The following CSNK1G1 variants were observed in gnomAD, a reference collection of about 807,000 sequenced individuals.
CSNK1G1 encodes casein kinase I isoform gamma-1.
A neutral mutation model predicts 59.6 loss-of-function variants in CSNK1G1; 22 were observed. The ratio of observed to expected loss-of-function variants is 0.37; its 90% CI spans 0.26 to 0.53. The LOEUF (loss-of-function observed/expected upper bound fraction) is 0.53. Ranked by LOEUF, CSNK1G1 falls within the 20% of genes least tolerant of loss-of-function variation. The pLI is 0.89. For missense variants in CSNK1G1, 384 were observed against 519.5 expected, an observed-to-expected ratio of 0.74 and a Z score of 2.54; for synonymous variants, 179 against 177.1, an observed-to-expected ratio of 1.01 and a Z score of -0.08.
intron 10 of CSNK1G1, among the ~76,000 whole-genome samples, chr15:64,186,263 C>T (rs1474263216): frequency 6.6e-6 from 1 of 152,154 alleles, no homozygotes; most frequent in African/African-American, 2.4e-5. Flanking sequence ...CCCACCACCA[C>T]GCCCAGCTAA....
rs2082277793 is a variant in CSNK1G1 at position 64,213,824 on chromosome 15, T to C, written c.679+66A>G. ...CAAGTTGTAATGCACAATGGGGATA[T>C]AATGTTACAGAAATAATAAACTGTT... On this transcript the variant is annotated intron_variant, in intron 6 of 11. Coordinates refer to ENST00000303052, the MANE Select transcript of CSNK1G1 (RefSeq NM_022048.5). 2.7e-6 allele frequency: 3 copies of C among 1,097,582 alleles called. No homozygotes were observed. In the South Asian group the frequency reaches 4.1e-5, roughly 15 times the overall value. The allele number at this position is 1,097,582 out of a possible 1,614,324, so 68.0% of individuals were successfully genotyped here. A position where few individuals can be genotyped will look rare whatever the true frequency, so the allele number is the denominator to read the frequency against.
intron 4 of CSNK1G1, among the ~76,000 whole-genome samples, chr15:64,238,514 A>ATATATAT (rs1375821783): frequency 6.5e-5 from 7 of 107,556 alleles, no homozygotes; most frequent in African/African-American, 3.3e-4. Flanking sequence ...AAAAAAAAAA[A>ATATATAT]AAAAATATAT....
At chr15:64,340,283 A>G (rs1445192856) in intron 1 of CSNK1G1, among the ~76,000 whole-genome samples, 1 of 152,238 alleles carries the variant, frequency 6.6e-6, no homozygotes, top group African/African-American at 2.4e-5. Flanking sequence ...AAACTTGAGT[A>G]CAATGTTCTA....
rs1156416306 is a variant in CSNK1G1, at chr15:64,210,226, T to A, written c.680-2632A>T. Among the ~76,000 whole-genome samples, 2 of 152,194 alleles carry A rather than the reference T, an allele frequency of 1.3e-5. No homozygotes were observed. The highest frequency in any genetic ancestry group is 4.8e-5 in the African/African-American group (2 of 41,444). On this transcript the variant is annotated intron_variant, in intron 6 of 11. Coordinates refer to ENST00000303052, the MANE Select transcript of CSNK1G1 (RefSeq NM_022048.5). This position sits in a 1 kb window ranked among gnomAD's most constrained non-coding sequence, Gnocchi z 4.2. ...TTTAATCCAGTGAAATTAAGCATGG[T>A]CAAGTCACCTACTTTGGGTCTCAGT...
At chr15:64,212,440 C>G (rs1021638806) in intron 6 of CSNK1G1, among the ~76,000 whole-genome samples, 2 of 152,196 alleles carry the variant, frequency 1.3e-5, no homozygotes, top group Non-Finnish European at 2.9e-5. Flanking sequence ...GCAGGCCAGG[C>G]ATGGTGGCTC....
At chr15:64,181,573 A>G (rs1207081876) in intron 10 of CSNK1G1, 7 of 807,520 alleles carry the variant, frequency 8.7e-6, no homozygotes, top group Non-Finnish European at 1.3e-5. Context: ...TGTCTAGTAT[A>G]ATACCTAGCA....
At position 64,214,164 on chromosome 15, in the gene CSNK1G1, A is replaced by T; in HGVS notation, c.445-40T>A. ...AATGATAGAAAGACTGTAAAGAAGTATATCAGGAAAATACATCAAAACAGT... is the reference window on the plus strand; with the variant it reads ...AATGATAGAAAGACTGTAAAGAAGTTTATCAGGAAAATACATCAAAACAGT... On this transcript the variant is annotated intron_variant, in intron 5 of 11. Coordinates refer to ENST00000303052, the MANE Select transcript of CSNK1G1 (RefSeq NM_022048.5). The surrounding 1 kb of genome is among the most constrained non-coding windows in gnomAD (Gnocchi z 4.3). 7.1e-7 allele frequency: 1 copy of T among 1,410,472 alleles called. No homozygotes were observed. Among genetic ancestry groups the T allele is most frequent in the Non-Finnish European group, 1.0e-6 (1 of 995,906 alleles). 87.4% of individuals were successfully genotyped at this position (1,410,472 alleles called of 1,614,324 possible). A position where few individuals can be genotyped will look rare whatever the true frequency, so the allele number is the denominator to read the frequency against.
intron 4 of CSNK1G1, among the ~76,000 whole-genome samples, chr15:64,230,355 G>A (rs1424957889): frequency 6.6e-6 from 1 of 151,504 alleles, no homozygotes; most frequent in Non-Finnish European, 1.5e-5. Flanking sequence ...ATAGTGCAGT[G>A]GCACAAACCA....
intron 2 of CSNK1G1, among the ~76,000 whole-genome samples, chr15:64,277,285 T>C (rs909814267): frequency 1.3e-5 from 2 of 151,736 alleles, no homozygotes. Flanking sequence ...GGCAACAAAG[T>C]GAGACTCTGC....
chr15:64,285,559 C>T (rs895723780), intron 2 of CSNK1G1, among the ~76,000 whole-genome samples: 1 of 152,114 alleles, frequency 6.6e-6, no homozygotes, highest in South Asian at 2.1e-4. Flanking sequence ...CAAAAAGGAC[C>T]CTACTCTGCT....
intron 1 of CSNK1G1, 26 bp from the exon 2 acceptor site, chr15:64,300,749 A>G: frequency 8.2e-7 from 1 of 1,222,568 alleles, no homozygotes; most frequent in Non-Finnish European, 1.0e-6. Context: ...GAAAACATGT[A>G]GTTAAAAATT....
chr15:64,195,598 A>G (rs1359413455), intron 10 of CSNK1G1, among the ~76,000 whole-genome samples: 2 of 152,226 alleles, frequency 1.3e-5, no homozygotes, highest in Non-Finnish European at 2.9e-5. Context: ...TTGTACTCTA[A>G]TATCAGATCT....
chr15:64,337,041 A>C (rs1378858965), intron 1 of CSNK1G1, among the ~76,000 whole-genome samples: 1 of 152,036 alleles, frequency 6.6e-6, no homozygotes, highest in African/African-American at 2.4e-5. Flanking sequence ...CAGCCTGGCC[A>C]ACATGGTGAA....
intron 2 of CSNK1G1, among the ~76,000 whole-genome samples, chr15:64,278,396 GTGTGTGTGTGTGTGTGTGTGTGTATA>G (rs1288199782): frequency 7.8e-6 from 1 of 128,236 alleles, no homozygotes; most frequent in Non-Finnish European, 1.6e-5. Context: ...GTGTGTGTGT[GTGTGTGTGTGTGTGTGTGTGTGTATA>G]TATATATATA....
Position 64,303,728 on chromosome 15 carries a change from C to T in CSNK1G1, c.-224-3005G>A, listed in dbSNP as rs556860510. On this transcript the variant is annotated intron_variant, in intron 1 of 11. Transcript: ENST00000303052. ...TCATGCCATTGCACTCCAGCCTGGGCGACAAGAGCAAAACCCCGTCTCAAG... is the reference window on the plus strand; with the variant it reads ...TCATGCCATTGCACTCCAGCCTGGGTGACAAGAGCAAAACCCCGTCTCAAG... 1.0e-4 allele frequency among the ~76,000 whole-genome samples: 15 copies of T among 144,630 alleles called. No individual in the cohort carries two copies. In the South Asian group the frequency reaches 1.3e-3, roughly 13 times the overall value. 94.9% of individuals were successfully genotyped at this position (144,630 alleles called of 152,430 possible).
chr15:64,239,649 G>A (rs991736113), intron 4 of CSNK1G1, among the ~76,000 whole-genome samples: 1 of 152,118 alleles, frequency 6.6e-6, no homozygotes, highest in Non-Finnish European at 1.5e-5. Flanking sequence ...AAAGTGATGG[G>A]ATTACAGGTG....
chr15:64,333,433 CAAAAA>C (rs59451869), intron 1 of CSNK1G1, among the ~76,000 whole-genome samples: 7 of 23,086 alleles, frequency 3.0e-4, no homozygotes, highest in South Asian at 4.1e-3. Flanking sequence ...GACACCATCT[CAAAAA>C]AAAAAAAAAA....
At chr15:64,281,878 G>A (rs1894158194) in intron 2 of CSNK1G1, among the ~76,000 whole-genome samples, 1 of 149,156 alleles carries the variant, frequency 6.7e-6, no homozygotes, top group South Asian at 2.1e-4. Flanking sequence ...CTACTGAATT[G>A]TACACTTAAA....
intron 2 of CSNK1G1, among the ~76,000 whole-genome samples, chr15:64,296,070 C>T (rs1486619997): frequency 6.6e-6 from 1 of 152,282 alleles, no homozygotes; most frequent in South Asian, 2.1e-4. Context: ...AATCATACCT[C>T]CTCTTTGAAG....
Sources: gnomAD v4.1 joint callset for allele counts (sites outside exome capture counted in the v4.1 genomes callset) on GRCh38, gnomAD v4.1.1 for gene constraint, Gnocchi (gnomAD v3.1) non-coding constraint, MANE v1.5 for transcripts, NCBI Gene and HGNC (gene_info 2026-07-23, HGNC 2026-07-21) for gene names.